Variants in ELP3 observed in about 807,000 individuals in gnomAD.
The protein encoded by ELP3 is elongator acetyltransferase complex subunit 3.
ELP3 carries 56 observed loss-of-function variants against 74.9 expected under a neutral mutation model. The ratio of observed to expected loss-of-function variants is 0.75; its 90% confidence interval spans 0.60 to 0.93. The LOEUF (loss-of-function observed/expected upper bound fraction) is 0.93, where lower values mean the gene tolerates loss of function less well. Ranked by LOEUF, ELP3 falls within the 40% of genes least tolerant of loss-of-function variation. The pLI is 0.00. For synonymous variants in ELP3, 222 were observed against 239.8 expected (o/e 0.93, Z 0.68); for missense variants, 573 against 686.5 (o/e 0.83, Z 1.85).
intron 3 of ELP3, among the ~76,000 whole-genome samples, chr8:28,106,106 T>C (rs917769754): frequency 6.6e-6 from 1 of 152,260 alleles, no homozygotes; most frequent in African/African-American, 2.4e-5. Flanking sequence ...AGAATCACTT[T>C]GGCTTTAACA....
chr8:28,145,469 T>C (rs1813394983), intron 10 of ELP3, among the ~76,000 whole-genome samples: 1 of 152,330 alleles, frequency 6.6e-6, no homozygotes. Flanking sequence ...GAAATCATTG[T>C]AAAGGAAAAT....
At chr8:28,161,025 G>A (rs888402389) in intron 13 of ELP3, among the ~76,000 whole-genome samples, 7 of 152,068 alleles carry the variant, frequency 4.6e-5, no homozygotes, top group South Asian at 4.1e-4. Context: ...GTAAGAAATC[G>A]TCTAATACTG....
chr8:28,158,271 T>C (rs1298620669), intron 11 of ELP3, among the ~76,000 whole-genome samples: 2 of 152,188 alleles, frequency 1.3e-5, no homozygotes, highest in Non-Finnish European at 2.9e-5. Context: ...ACTTACATTC[T>C]TTACTGCTAA....
At chr8:28,153,467 A>C (rs1267612486) in intron 10 of ELP3, among the ~76,000 whole-genome samples, 4 of 152,252 alleles carry the variant, frequency 2.6e-5, no homozygotes. Flanking sequence ...GCCAGTGAAA[A>C]GAGCAAGCAT....
rs1410591741 is a variant in ELP3, at chr8:28,147,313, G to A, written c.1101-8629G>A. Among the ~76,000 whole-genome samples, 3 of 152,316 alleles carry A rather than the reference G, an allele frequency of 2.0e-5. No homozygotes were observed. Among genetic ancestry groups the A allele is most frequent in the East Asian group, 3.9e-4 (2 of 5,188 alleles). ...CCTGTGGAGACAGTGCACCTGAAGC[G>A]TGGCCAGCAGCGTGCCTGGCACCTG... On this transcript the variant is annotated intron_variant, in intron 10 of 14. Transcript: ENST00000256398. The surrounding 1 kb of genome is among the most constrained non-coding windows in gnomAD (Gnocchi z 4.5).
At chr8:28,128,138 T>G (rs1029499399) in intron 7 of ELP3, among the ~76,000 whole-genome samples, 11 of 152,128 alleles carry the variant, frequency 7.2e-5, no homozygotes, top group African/African-American at 2.4e-4. Flanking sequence ...ATTGAGAACA[T>G]TGTAGAAGGG....
chr8:28,152,737 C>T lies in ELP3; in HGVS notation c.1101-3205C>T, dbSNP rs571154688. On this transcript the variant is annotated intron_variant, in intron 10 of 14. Transcript: ENST00000256398. ...AGGAGAATCGCTTGAACCTGGGAGG[C>T]GAAGGTTGCAGTGAGCTGAGATCAT... 2.6e-4 allele frequency among the ~76,000 whole-genome samples: 40 copies of T among 152,204 alleles called. No homozygotes were observed. In the East Asian group the frequency reaches 6.6e-3, roughly 25 times the overall value.
At chr8:28,126,953 T>C (rs920332285) in intron 7 of ELP3, among the ~76,000 whole-genome samples, 21 of 152,220 alleles carry the variant, frequency 1.4e-4, no homozygotes, top group Admixed American at 1.3e-4. Flanking sequence ...TAATTGCTTT[T>C]CAGATGCAAA....
chr8:28,172,701 C>G (rs751493236), intron 14 of ELP3, among the ~76,000 whole-genome samples: 1 of 152,048 alleles, frequency 6.6e-6, no homozygotes, highest in Non-Finnish European at 1.5e-5. Context: ...AATGGGCAAC[C>G]TTATCTGGCT....
At chr8:28,133,903 C>T (rs1268123645) in intron 9 of ELP3, among the ~76,000 whole-genome samples, 1 of 152,192 alleles carries the variant, frequency 6.6e-6, no homozygotes, top group African/African-American at 2.4e-5. Flanking sequence ...TAGCCAGGTG[C>T]TCAGACACCA....
chr8:28,119,425 T>G (rs181387255), intron 7 of ELP3, among the ~76,000 whole-genome samples: 222 of 151,860 alleles, frequency 1.5e-3, no homozygotes, highest in Admixed American at 3.2e-3. Context: ...TGCGCTGTCT[T>G]TTTTGATGAA....
chr8:28,110,308 C>A, intron 5 of ELP3, 62 bp from the exon 6 acceptor site: 1 of 1,401,744 alleles, frequency 7.1e-7, no homozygotes, highest in Non-Finnish European at 1.0e-6. Context: ...AAAATACAGT[C>A]CTTTTGAAAC....
At chr8:28,095,588 C>CA (rs1232226836) in intron 1 of ELP3, among the ~76,000 whole-genome samples, 2 of 152,104 alleles carry the variant, frequency 1.3e-5, no homozygotes, top group African/African-American at 4.8e-5. Context: ...TTATTTCTCT[C>CA]AAAAATTGTT....
chr8:28,130,979 A>G (rs1050216772), intron 8 of ELP3, among the ~76,000 whole-genome samples: 2 of 152,224 alleles, frequency 1.3e-5, no homozygotes, highest in African/African-American at 4.8e-5. Flanking sequence ...CAGCACGCAT[A>G]AAGCTACAAT....
intron 14 of ELP3, among the ~76,000 whole-genome samples, chr8:28,172,318 T>C (rs773078487): frequency 1.3e-4 from 20 of 152,152 alleles, no homozygotes; most frequent in Non-Finnish European, 2.2e-4. Context: ...TCTTCTTTAA[T>C]TTCTTTTAGC....
At chr8:28,187,082 C>T (rs1033937653) in intron 14 of ELP3, among the ~76,000 whole-genome samples, 16 of 152,166 alleles carry the variant, frequency 1.1e-4, no homozygotes, top group Non-Finnish European at 2.9e-5. Context: ...GCAGTGGTGG[C>T]TCCTGTTTCT....
chr8:28,106,505 A>C (rs1342049929), intron 3 of ELP3, among the ~76,000 whole-genome samples: 1 of 143,578 alleles, frequency 7.0e-6, no homozygotes, highest in East Asian at 2.0e-4. Context: ...CCGCCACTGC[A>C]CTCCAGCCTG....
intron 14 of ELP3, among the ~76,000 whole-genome samples, chr8:28,174,537 A>G (rs1445941196): frequency 1.3e-5 from 2 of 152,060 alleles, no homozygotes; most frequent in Non-Finnish European, 2.9e-5. Context: ...CTCTGCTCCT[A>G]TACATCTCTG....
At chr8:28,097,746 C>T (rs1342636839) in intron 2 of ELP3, among the ~76,000 whole-genome samples, 1 of 152,152 alleles carries the variant, frequency 6.6e-6, no homozygotes, top group Non-Finnish European at 1.5e-5. Flanking sequence ...ATACTAATAG[C>T]TTCTAACATT....
Sources: gnomAD v4.1 joint callset for allele counts (sites outside exome capture counted in the v4.1 genomes callset) on GRCh38, gnomAD v4.1.1 for gene constraint, Gnocchi (gnomAD v3.1) non-coding constraint, MANE v1.5 for transcripts, NCBI Gene and HGNC (gene_info 2026-07-23, HGNC 2026-07-21) for gene names.